The following TBC1D31 variants were observed in gnomAD, a reference collection of about 807,000 sequenced individuals.
TBC1D31 encodes the protein TBC1 domain family member 31.
TBC1D31 carries 99 observed loss-of-function variants against 132.9 expected under a neutral mutation model. The ratio of observed to expected loss-of-function variants is 0.74; its 90% CI spans 0.63 to 0.88. The LOEUF is 0.88. Ranked by LOEUF, TBC1D31 falls within the 40% of genes least tolerant of loss-of-function variation. The pLI is 0.00. For synonymous variants in TBC1D31, 385 were observed against 419.4 expected (o/e 0.92, Z 1.00); for missense variants, 1,134 against 1,256.6 (o/e 0.90, Z 1.48).
At chr8:123,114,250 T>C (rs4870846) in intron 10 of TBC1D31, among the ~76,000 whole-genome samples, 50,020 of 151,958 alleles carry the variant, frequency 0.33, 8,503 homozygotes, top group African/African-American at 0.42. Context: ...TCGTGCTTTC[T>C]AGTTTTATAT....
At chr8:123,140,942 T>G in intron 18 of TBC1D31, 41 bp downstream of exon 18, 1 of 1,576,152 alleles carries the variant, frequency 6.3e-7, no homozygotes, top group Non-Finnish European at 8.7e-7. Context: ...AGAGGAGAAA[T>G]TTTCATCTGT....
At chr8:123,102,416 A>C (rs540263616) in intron 7 of TBC1D31, 7 of 363,920 alleles carry the variant, frequency 1.9e-5, no homozygotes, top group Non-Finnish European at 3.7e-5. Flanking sequence ...CTTTTAAAAA[A>C]TTATACAAGT....
At chr8:123,100,765 A>T (rs761545159) in intron 6 of TBC1D31, 42 bp from the exon 7 acceptor site, 2 of 1,490,898 alleles carry the variant, frequency 1.3e-6, no homozygotes, top group Non-Finnish European at 1.9e-6. Flanking sequence ...TCAGACATTG[A>T]CTATCACATG....
chr8:123,091,872 T>C (rs531462846), intron 4 of TBC1D31, among the ~76,000 whole-genome samples: 1 of 152,378 alleles, frequency 6.6e-6, no homozygotes, highest in Admixed American at 6.5e-5. Context: ...AACTTTACTA[T>C]CAGTTTCATT....
At chr8:123,128,941 A>G in intron 14 of TBC1D31, 125 bp from the exon 15 acceptor site, 1 of 641,674 alleles carries the variant, frequency 1.6e-6, no homozygotes, top group Non-Finnish European at 2.5e-6. Flanking sequence ...GGCTAGAAAT[A>G]TTAAAGATAG....
intron 20 of TBC1D31, among the ~76,000 whole-genome samples, chr8:123,147,825 A>G (rs1176362632): frequency 6.6e-6 from 1 of 152,100 alleles, no homozygotes; most frequent in African/African-American, 2.4e-5. Context: ...ATCACCTACC[A>G]TTAAGAAAAT....
chr8:123,133,003 T>C (rs1488666347), intron 16 of TBC1D31, among the ~76,000 whole-genome samples: 1 of 152,212 alleles, frequency 6.6e-6, no homozygotes. Flanking sequence ...TGATCTGGCC[T>C]CCGCCTACCC....
chr8:123,157,075 C>G (rs1563768453), downstream of TBC1D31, among the ~76,000 whole-genome samples: 1 of 152,228 alleles, frequency 6.6e-6, no homozygotes, highest in Non-Finnish European at 1.5e-5. Context: ...GGCCGCAGTG[C>G]GAGGGTGGTC....
chr8:123,152,361 C>T (rs186923327), downstream of TBC1D31, among the ~76,000 whole-genome samples: 9 of 152,272 alleles, frequency 5.9e-5, no homozygotes, highest in Non-Finnish European at 1.2e-4. Flanking sequence ...CCCACCCCCG[C>T]CTCTGCCAGC....
intron 5 of TBC1D31, among the ~76,000 whole-genome samples, chr8:123,095,835 A>C (rs530774494): frequency 2.4e-4 from 36 of 152,254 alleles, no homozygotes; most frequent in Non-Finnish European, 4.7e-4. Flanking sequence ...CCTAATCCGG[A>C]TGCTAGGGGT....
At chr8:123,116,422 G>C (rs1048582130) in intron 10 of TBC1D31, among the ~76,000 whole-genome samples, 1 of 152,106 alleles carries the variant, frequency 6.6e-6, no homozygotes, top group African/African-American at 2.4e-5. Flanking sequence ...AGAGACGAGA[G>C]CCAGGTTTCT....
At chr8:123,109,733 A>G in intron 10 of TBC1D31, 113 bp downstream of exon 10, 1 of 992,984 alleles carries the variant, frequency 1.0e-6, no homozygotes, top group Non-Finnish European at 1.5e-6. Context: ...TCCTTATGTG[A>G]TATGTTGGTT....
chr8:123,087,454 T>C (rs967658420), intron 4 of TBC1D31, among the ~76,000 whole-genome samples: 3 of 152,342 alleles, frequency 2.0e-5, no homozygotes, highest in Non-Finnish European at 2.9e-5. Context: ...AATGTGCTTT[T>C]AACAATTAAA....
At chr8:123,073,406 G>C (rs1222253909) in intron 1 of TBC1D31, 1 of 456,104 alleles carries the variant, frequency 2.2e-6, no homozygotes, top group Non-Finnish European at 4.4e-6. Context: ...CACACTTCCG[G>C]TTCTCTGGAG....
At position 123,072,725 on chromosome 8, in the gene TBC1D31, G is replaced by A. The variant is rs757874543; in HGVS notation, c.-45G>A. 3.9e-6 allele frequency: 6 copies of A among 1,546,394 alleles called. No homozygotes were observed. The South Asian group carries it at 7.2e-5, about 18-fold the overall frequency. ...GCTGGGCCTGCCGGGAAGGCGCTGGGACGGTTACCCAGCGGGCCGCCGGCG... is the reference window on the plus strand; with the variant it reads ...GCTGGGCCTGCCGGGAAGGCGCTGGAACGGTTACCCAGCGGGCCGCCGGCG... On this transcript the variant is annotated 5_prime_UTR_variant, in exon 1 of 22. Coordinates refer to ENST00000287380, the MANE Select transcript of TBC1D31 (RefSeq NM_145647.4).
chr8:123,087,929 T>A (rs1287575519), intron 4 of TBC1D31, among the ~76,000 whole-genome samples: 1 of 152,262 alleles, frequency 6.6e-6, no homozygotes, highest in African/African-American at 2.4e-5. Flanking sequence ...ACGCCTGTAA[T>A]CTCAGCACTT....
At chr8:123,103,337 A>C (rs568183142) in intron 7 of TBC1D31, 1 of 152,218 alleles carries the variant, frequency 6.6e-6, no homozygotes, top group African/African-American at 2.4e-5. Flanking sequence ...TATATTAATA[A>C]ATTTTTTTAA....
chr8:123,139,198 T>G (rs927670822), intron 17 of TBC1D31, among the ~76,000 whole-genome samples: 6 of 152,010 alleles, frequency 3.9e-5, no homozygotes, highest in African/African-American at 1.2e-4. Flanking sequence ...CAACTTATGA[T>G]GGGGTTATGT....
intron 6 of TBC1D31, 84 bp downstream of exon 6, chr8:123,097,525 C>A: frequency 1.5e-6 from 2 of 1,373,464 alleles, no homozygotes; most frequent in Non-Finnish European, 2.0e-6. Flanking sequence ...ATTTATTTAA[C>A]TTACACCCTG....
Sources: gnomAD v4.1 joint callset for allele counts (sites outside exome capture counted in the v4.1 genomes callset) on GRCh38, gnomAD v4.1.1 for gene constraint, MANE v1.5 for transcripts, NCBI Gene and HGNC (gene_info 2026-07-23, HGNC 2026-07-21) for gene names.